Variants in CTNNA2 observed in about 807,000 individuals in gnomAD.
CTNNA2 encodes catenin alpha 2.
A neutral mutation model predicts 101.0 loss-of-function variants in CTNNA2; 42 were observed. The observed-to-expected ratio is 0.42, with a 90% CI of 0.32 to 0.54. CTNNA2 has a LOEUF of 0.54. Among genes scored for constraint, CTNNA2 ranks in the 20% least tolerant of loss-of-function variants. CTNNA2 has a pLI of 0.14. For missense variants in CTNNA2, 871 were observed against 1,223.1 expected (o/e 0.71, Z 4.29); for synonymous variants, 450 against 456.4 (o/e 0.99, Z 0.18).
At chr2:79,401,419 G>A (rs1012252131) in intron 4 of CTNNA2, among the ~76,000 whole-genome samples, 21 of 151,364 alleles carry the variant, frequency 1.4e-4, no homozygotes, top group African/African-American at 4.8e-4. Flanking sequence ...ATGTAAAAGG[G>A]CTTATAATGC....
At chr2:79,574,780 G>C (rs1251016169) in intron 1 of CTNNA2, among the ~76,000 whole-genome samples, 4 of 152,162 alleles carry the variant, frequency 2.6e-5, no homozygotes, top group Non-Finnish European at 5.9e-5. Context: ...TAAGTTATTT[G>C]AGAAGTTGCT....
At chr2:79,845,172 C>CTTTTTTT (rs59627246) in intron 3 of CTNNA2, among the ~76,000 whole-genome samples, 1 of 104,204 alleles carries the variant, frequency 9.6e-6, no homozygotes, top group African/African-American at 3.8e-5. Context: ...AACACAGCTG[C>CTTTTTTT]TTTTTTTTTT....
intron 3 of CTNNA2, among the ~76,000 whole-genome samples, chr2:79,371,195 G>A (rs1188832104): frequency 6.6e-6 from 1 of 152,058 alleles, no homozygotes; most frequent in Non-Finnish European, 1.5e-5. Context: ...CAATACTGGT[G>A]AAAGGCCCAC....
chr2:80,220,961 AGC>A (rs1465490735), intron 7 of CTNNA2, among the ~76,000 whole-genome samples: 4 of 152,146 alleles, frequency 2.6e-5, no homozygotes, highest in Non-Finnish European at 5.9e-5. Context: ...GGCTCACTGC[AGC>A]CTCCACCTCC....
At chr2:79,971,011 T>C (rs1346285826) in intron 7 of CTNNA2, among the ~76,000 whole-genome samples, 1 of 152,206 alleles carries the variant, frequency 6.6e-6, no homozygotes, top group Non-Finnish European at 1.5e-5. Context: ...TTCTGTAGTC[T>C]AGCTGATATT....
At position 79,650,468 on chromosome 2, in the gene CTNNA2, T is replaced by C. The variant is rs1345049547; in HGVS notation, c.-5-1084T>C. 2.6e-5 allele frequency among the ~76,000 whole-genome samples: 4 copies of C among 152,140 alleles called. No homozygotes were observed. In the East Asian group the frequency reaches 7.8e-4, roughly 30 times the overall value. Reference sequence around the variant, plus strand: ...TGATATTCTCAGGGGTCAGTTATGATGTGAAGAAAAAAGTAGCCTTTTGTT... The same window carrying C: ...TGATATTCTCAGGGGTCAGTTATGACGTGAAGAAAAAAGTAGCCTTTTGTT... On this transcript the variant is annotated intron_variant, in intron 1 of 18. Transcript: ENST00000402739.
chr2:80,090,133 A>ACTCT (rs374555744), intron 7 of CTNNA2, among the ~76,000 whole-genome samples: 318 of 100,136 alleles, frequency 3.2e-3, no homozygotes, highest in Middle Eastern at 0.017. Context: ...AGGAAGTTTC[A>ACTCT]CTCTCTCTCT....
chr2:79,583,269 A>G (rs1676262326), intron 1 of CTNNA2, among the ~76,000 whole-genome samples: 2 of 151,872 alleles, frequency 1.3e-5, no homozygotes, highest in South Asian at 4.1e-4. Flanking sequence ...TACTCAGACT[A>G]CCTGTTTATC....
At chr2:79,235,337 G>T (rs1218955050) in intron 2 of CTNNA2, among the ~76,000 whole-genome samples, 2 of 149,794 alleles carry the variant, frequency 1.3e-5, no homozygotes, top group African/African-American at 5.0e-5. Flanking sequence ...CCAGTAGGTG[G>T]TGCATAACGT....
At chr2:80,472,019 G>A (rs375275945) in intron 9 of CTNNA2, among the ~76,000 whole-genome samples, 24 of 152,192 alleles carry the variant, frequency 1.6e-4, no homozygotes, top group East Asian at 1.4e-3. Context: ...CCAGCTACTC[G>A]GGAGGCTGAG....
intron 13 of CTNNA2, 99 bp from the exon 14 acceptor site, chr2:80,581,605 GCT>G (rs1487995580): frequency 5.1e-5 from 37 of 731,910 alleles, no homozygotes; most frequent in Middle Eastern, 2.3e-4. Context: ...GATGCTATAA[GCT>G]CTGTTTGCTG....
At chr2:79,375,952 A>G (rs1677968501) in intron 4 of CTNNA2, among the ~76,000 whole-genome samples, 1 of 152,170 alleles carries the variant, frequency 6.6e-6, no homozygotes, top group African/African-American at 2.4e-5. Flanking sequence ...GTATGAAGAG[A>G]TGAGCTGAGC....
intron 4 of CTNNA2, among the ~76,000 whole-genome samples, chr2:79,472,133 C>G (rs1558675516): frequency 6.6e-6 from 1 of 152,118 alleles, no homozygotes; most frequent in Non-Finnish European, 1.5e-5. Context: ...TATGTGCTTC[C>G]AAAACAAGCA....
intron 1 of CTNNA2, among the ~76,000 whole-genome samples, chr2:79,551,553 T>A (rs1470835499): frequency 6.6e-6 from 1 of 152,140 alleles, no homozygotes; most frequent in Non-Finnish European, 1.5e-5. Flanking sequence ...AGCTGTCAAT[T>A]TACATTGTCA....
At chr2:79,632,515 T>G (rs991640180) in intron 1 of CTNNA2, among the ~76,000 whole-genome samples, 12 of 152,254 alleles carry the variant, frequency 7.9e-5, no homozygotes, top group Admixed American at 1.3e-4. Flanking sequence ...CCTATGCTAA[T>G]AAATCTACCA....
chr2:79,502,169 T>A (rs1338384430), intron 4 of CTNNA2, among the ~76,000 whole-genome samples: 2 of 152,106 alleles, frequency 1.3e-5, no homozygotes, highest in African/African-American at 4.8e-5. Context: ...CAAAAAGTTA[T>A]TGTAAGAGTA....
chr2:79,663,306 T>C (rs1682171808), intron 2 of CTNNA2, among the ~76,000 whole-genome samples: 2 of 152,186 alleles, frequency 1.3e-5, no homozygotes, highest in African/African-American at 2.4e-5. Flanking sequence ...TTGAAAACAA[T>C]GCATAATTTG....
chr2:79,773,293 G>T (rs757760478), intron 3 of CTNNA2, among the ~76,000 whole-genome samples: 2 of 152,166 alleles, frequency 1.3e-5, no homozygotes, highest in Non-Finnish European at 2.9e-5. Flanking sequence ...AAGTTTATTT[G>T]CCAAAGTTAA....
chr2:79,632,548 A>G (rs1359733527), intron 1 of CTNNA2, among the ~76,000 whole-genome samples: 1 of 152,256 alleles, frequency 6.6e-6, no homozygotes, highest in Non-Finnish European at 1.5e-5. Context: ...CCATGGTAGT[A>G]GGTATAATGT....
Sources: allele counts gnomAD v4.1 joint callset (sites outside exome capture counted in the v4.1 genomes callset), GRCh38; gene constraint gnomAD v4.1.1; transcripts MANE v1.5; gene names NCBI Gene and HGNC (gene_info 2026-07-23, HGNC 2026-07-21).